The following FOCAD variants were observed in gnomAD, a reference collection of about 807,000 sequenced individuals.
FOCAD encodes the protein focadhesin, also known as KIAA1797.
In FOCAD, 198 loss-of-function variants were observed where a neutral mutation model predicts 225.6. That is an observed-to-expected ratio of 0.88 (90% CI 0.78 to 0.99). The LOEUF (loss-of-function observed/expected upper bound fraction) is 0.99, where lower values mean the gene tolerates loss of function less well. Ranked by LOEUF, FOCAD falls within the 50% of genes least tolerant of loss-of-function variation. The pLI is 0.00. For missense variants in FOCAD, 2,713 were observed against 2,123.6 expected (o/e 1.28, Z -5.46); for synonymous variants, 897 against 755.0 (o/e 1.19, Z -3.08).
chr9:20,863,710 C>T (rs1240145408), intron 16 of FOCAD, among the ~76,000 whole-genome samples: 1 of 152,012 alleles, frequency 6.6e-6, no homozygotes, highest in Non-Finnish European at 1.5e-5. Flanking sequence ...CAGGCACTTG[C>T]TCTTATATTG....
At chr9:20,990,791 A>G (rs1394436548) in intron 42 of FOCAD, among the ~76,000 whole-genome samples, 1 of 152,146 alleles carries the variant, frequency 6.6e-6, no homozygotes, top group African/African-American at 2.4e-5. Flanking sequence ...GTTGATCAAC[A>G]ATGCCTGGGT....
Position 20,993,310 on chromosome 9 carries a change from TC to T in FOCAD, c.5316del (p.Arg1773GlyfsTer4). 6.2e-7 allele frequency: 1 copy of T among 1,613,740 alleles called. No individual in the cohort carries two copies. Among genetic ancestry groups the T allele is most frequent in the Non-Finnish European group, 8.5e-7 (1 of 1,179,714 alleles). On this transcript the variant is annotated frameshift_variant, in exon 43 of 44. Coordinates refer to ENST00000338382, the MANE Select transcript of FOCAD (RefSeq NM_001375567.1). LOFTEE classifies it high-confidence loss of function. ...CCCTAAAGAAGCCCTCTCAGCACAGTCCAGGGATCTTTTGAAAGGTATTACT... is the reference window on the plus strand; with the variant it reads ...CCCTAAAGAAGCCCTCTCAGCACAGTCAGGGATCTTTTGAAAGGTATTACT... ...ESPKEALSAQ[S>X]RDLLKATLLS...
chr9:20,788,814 G>A (rs1359262134), intron 10 of FOCAD, among the ~76,000 whole-genome samples: 1 of 152,076 alleles, frequency 6.6e-6, no homozygotes, highest in Non-Finnish European at 1.5e-5. Flanking sequence ...GAGCTGTCAG[G>A]CCATTTCCTA....
chr9:20,706,091 T>C (rs139243943), intron 1 of FOCAD, among the ~76,000 whole-genome samples: 1 of 151,856 alleles, frequency 6.6e-6, no homozygotes. Context: ...TGAGCCACCA[T>C]ACCCGGCTAA....
intron 35 of FOCAD, among the ~76,000 whole-genome samples, chr9:20,955,391 T>A (rs564434768): frequency 2.0e-4 from 31 of 152,288 alleles, no homozygotes; most frequent in African/African-American, 7.0e-4. Context: ...TTAGTACTCA[T>A]GTGATAGAAC....
chr9:20,825,828 C>T (rs993198594), intron 15 of FOCAD, among the ~76,000 whole-genome samples: 41 of 152,096 alleles, frequency 2.7e-4, no homozygotes, highest in Non-Finnish European at 7.4e-5. Context: ...AGAGTGGATT[C>T]TGTCTACCTT....
At chr9:20,662,946 G>A (rs1216974352) in intron 2 of FOCAD, among the ~76,000 whole-genome samples, 1 of 152,156 alleles carries the variant, frequency 6.6e-6, no homozygotes, top group Non-Finnish European at 1.5e-5. Flanking sequence ...GTATCCAGTT[G>A]TCTTGAGTCT....
intron 21 of FOCAD, among the ~76,000 whole-genome samples, chr9:20,902,377 C>G (rs1001635506): frequency 6.6e-6 from 1 of 151,810 alleles, no homozygotes; most frequent in Non-Finnish European, 1.5e-5. Flanking sequence ...GCTTGGGAAT[C>G]GGTTCGTAAT....
At chr9:20,884,061 A>G (rs1393747076) in intron 20 of FOCAD, among the ~76,000 whole-genome samples, 2 of 152,206 alleles carry the variant, frequency 1.3e-5, no homozygotes, top group African/African-American at 2.4e-5. Flanking sequence ...AGTATAAACT[A>G]AAGGGACCCA....
chr9:20,744,792 T>A (rs910353898), intron 5 of FOCAD, among the ~76,000 whole-genome samples: 3 of 152,172 alleles, frequency 2.0e-5, no homozygotes, highest in Admixed American at 2.0e-4. Flanking sequence ...TCAATATAAA[T>A]AAAGTTTTTA....
intron 15 of FOCAD, among the ~76,000 whole-genome samples, chr9:20,859,536 CAAGTT>C (rs966386694): frequency 1.3e-5 from 2 of 150,286 alleles, no homozygotes; most frequent in Admixed American, 1.3e-4. Flanking sequence ...ATTTGTATTA[CAAGTT>C]AAGTTAGAGA....
chr9:20,882,099 A>G (rs760194886), intron 20 of FOCAD, 43 bp downstream of exon 20: 1 of 1,555,324 alleles, frequency 6.4e-7, no homozygotes, highest in Non-Finnish European at 8.7e-7. Context: ...TTTTTCATGT[A>G]ATGATTTAAC....
At chr9:20,734,252 G>C (rs564065770) in intron 4 of FOCAD, among the ~76,000 whole-genome samples, 5 of 152,104 alleles carry the variant, frequency 3.3e-5, no homozygotes, top group Admixed American at 6.6e-5. Context: ...GAGTCTTAAA[G>C]GTTCCTTCAA....
intron 4 of FOCAD, among the ~76,000 whole-genome samples, chr9:20,725,653 G>A (rs902719986): frequency 2.0e-5 from 3 of 152,194 alleles, no homozygotes; most frequent in Non-Finnish European, 2.9e-5. Context: ...TTTGGAACAC[G>A]TATGGAAGCC....
chr9:20,855,923 AT>A (rs1218345114), intron 15 of FOCAD, among the ~76,000 whole-genome samples: 1 of 149,312 alleles, frequency 6.7e-6, no homozygotes, highest in African/African-American at 2.5e-5. Flanking sequence ...ATAGGATTTC[AT>A]TCTTTTTTAT....
intron 15 of FOCAD, among the ~76,000 whole-genome samples, chr9:20,862,124 A>T (rs1312454120): frequency 6.6e-6 from 1 of 152,116 alleles, no homozygotes; most frequent in Non-Finnish European, 1.5e-5. Context: ...ATTTATATAT[A>T]TTAATACTCC....
At chr9:20,783,867 AAG>A (rs1258186451) in intron 10 of FOCAD, among the ~76,000 whole-genome samples, 1 of 152,198 alleles carries the variant, frequency 6.6e-6, no homozygotes, top group Non-Finnish European at 1.5e-5. Flanking sequence ...CCAGTCAGGA[AAG>A]AGAAAACACA....
chr9:20,987,612 A>G (rs1467040813), intron 40 of FOCAD, among the ~76,000 whole-genome samples: 1 of 152,184 alleles, frequency 6.6e-6, no homozygotes, highest in Admixed American at 6.5e-5. Flanking sequence ...ACCTATGATG[A>G]GAAACTGGAC....
At position 20,832,754 on chromosome 9, in the gene FOCAD, A is replaced by G. The variant is rs138884771; in HGVS notation, c.1920+9639A>G. 4.6e-5 allele frequency among the ~76,000 whole-genome samples: 7 copies of G among 152,118 alleles called. No individual in the cohort carries two copies. The East Asian group carries it at 1.4e-3, about 29-fold the overall frequency. ...TATTTCACTTAGCATAATGCCCTCT[A>G]GTTTCATCCATGGTGTGGCAAATGA... On this transcript the variant is annotated intron_variant, in intron 15 of 43. Coordinates refer to ENST00000338382, the MANE Select transcript of FOCAD (RefSeq NM_001375567.1).
Sources: allele counts gnomAD v4.1 joint callset (sites outside exome capture counted in the v4.1 genomes callset), GRCh38; gene constraint gnomAD v4.1.1; transcripts MANE v1.5; gene names NCBI Gene and HGNC (gene_info 2026-07-23, HGNC 2026-07-21).